The following SFI1 variants were observed in gnomAD, a reference collection of about 807,000 sequenced individuals.
The protein encoded by SFI1 is protein SFI1 homolog.
A neutral mutation model predicts 207.5 loss-of-function variants in SFI1; 195 were observed. The ratio of observed to expected loss-of-function variants is 0.94; its 90% CI spans 0.84 to 1.06. SFI1 has a LOEUF of 1.06. Among genes scored for constraint, SFI1 ranks in the 50% least tolerant of loss-of-function variants. The probability of loss-of-function intolerance (pLI) is 0.00; values close to 1 mark genes in which losing one functional copy is unlikely to be tolerated. For synonymous variants in SFI1, 630 were observed against 598.9 expected, an observed-to-expected ratio of 1.05 and a Z score of -0.76; for missense variants, 1,634 against 1,588.0, an observed-to-expected ratio of 1.03 and a Z score of -0.49.
intron 2 of SFI1, among the ~76,000 whole-genome samples, chr22:31,512,071 G>T (rs1047019494): frequency 5.3e-5 from 8 of 152,194 alleles, no homozygotes; most frequent in African/African-American, 1.9e-4. Context: ...GGCCGGCGCA[G>T]TGGCTCACGC....
rs1331560236 is a variant in SFI1 at position 31,496,653 on chromosome 22, C to CT, written c.-31+17dup. On this transcript the variant is annotated intron_variant, in intron 1 of 32. Coordinates refer to ENST00000400288, the MANE Select transcript of SFI1 (RefSeq NM_001007467.3). ...GCTTCCCCAGGTACGAGGCCCGGCC[C>CT]TAACGTCCCCACCCTCTTCTGGGCT... The CT allele has an allele frequency of 6.6e-6, 1 of 152,310 alleles. No homozygotes were observed. The highest frequency in any genetic ancestry group is 1.5e-5 in the Non-Finnish European group (1 of 68,104). 9.4% of individuals were successfully genotyped at this position (152,310 alleles called of 1,614,324 possible).
rs527386733 is a variant in SFI1, at chr22:31,562,457, A to T, written c.765+1065A>T. Among the ~76,000 whole-genome samples, 23 of 149,430 alleles carry T rather than the reference A, an allele frequency of 1.5e-4. No individual in the cohort carries two copies. The East Asian group carries it at 4.6e-3, about 30-fold the overall frequency. On this transcript the variant is annotated intron_variant, in intron 8 of 32. Transcript: ENST00000400288. Reference sequence around the variant, plus strand: ...TGTCTCAAAAAAAAAAAAAAAAAAGAAGTAGATTTTATTGTGGTCTTACTT... The same window carrying T: ...TGTCTCAAAAAAAAAAAAAAAAAAGTAGTAGATTTTATTGTGGTCTTACTT...
chr22:31,545,752 T>A (rs2060022352), intron 4 of SFI1, among the ~76,000 whole-genome samples: 1 of 151,254 alleles, frequency 6.6e-6, no homozygotes, highest in Non-Finnish European at 1.5e-5. Context: ...GGCTAATTTT[T>A]GTATTTTTAG....
intron 22 of SFI1, among the ~76,000 whole-genome samples, chr22:31,609,537 T>C (rs1603346729): frequency 6.6e-6 from 1 of 152,178 alleles, no homozygotes; most frequent in African/African-American, 2.4e-5. Flanking sequence ...CATAGAGAAA[T>C]TGACCAAGTG....
At position 31,514,415 on chromosome 22, in the gene SFI1, G is replaced by C. The variant is rs536132239; in HGVS notation, c.92+6039G>C. Among the ~76,000 whole-genome samples the C allele has an allele frequency of 2.7e-5, 4 of 148,848 alleles. No homozygotes were observed. In the East Asian group the frequency reaches 8.5e-4, roughly 32 times the overall value. On this transcript the variant is annotated intron_variant, in intron 2 of 32. Coordinates refer to ENST00000400288, the MANE Select transcript of SFI1 (RefSeq NM_001007467.3). ...CCCAGCTACTTGGGAGGCTGAGGCA[G>C]GAGAATGGCGTGGACCTAGGAGGTG...
At chr22:31,545,584 A>C (rs9609319) in intron 4 of SFI1, among the ~76,000 whole-genome samples, 1 of 144,884 alleles carries the variant, frequency 6.9e-6, no homozygotes, top group Non-Finnish European at 1.5e-5. Context: ...AATTTAATTT[A>C]ATTTTATTTT....
upstream of SFI1, chr22:31,496,334 A>G (rs943483523): frequency 6.6e-6 from 1 of 152,238 alleles, no homozygotes; most frequent in Non-Finnish European, 1.5e-5. Context: ...CTCGGTGGGG[A>G]TGCCCAGAGG....
At chr22:31,592,746 T>C (rs1193767407) in intron 15 of SFI1, among the ~76,000 whole-genome samples, 7 of 90,370 alleles carry the variant, frequency 7.7e-5, no homozygotes, top group Non-Finnish European at 1.3e-4. Flanking sequence ...CACTTCCCAG[T>C]AGGGGCGGCC....
chr22:31,594,239 G>A (rs2066698885), intron 15 of SFI1, among the ~76,000 whole-genome samples: 1 of 152,084 alleles, frequency 6.6e-6, no homozygotes, highest in African/African-American at 2.4e-5. Flanking sequence ...GTCTTGAAAT[G>A]ATAGTCATCA....
chr22:31,604,589 G>A (rs1409291128), intron 19 of SFI1, 185 bp downstream of exon 19: 1 of 600,252 alleles, frequency 1.7e-6, no homozygotes, highest in Non-Finnish European at 2.9e-6. Flanking sequence ...GCTTGGCCAA[G>A]TGGAAACAAG....
chr22:31,538,270 T>TG (rs2059178508), intron 4 of SFI1: 1 of 120,460 alleles, frequency 8.3e-6, no homozygotes, highest in African/African-American at 2.9e-5. Flanking sequence ...GCCTTAACCT[T>TG]TTTTTTTTTT....
In SFI1 at chr22:31,546,953, G is replaced by A. The variant is rs371433549; in HGVS notation, c.431G>A (p.Arg144Gln). ...VFQHEWKLCV[R>Q]ADCHYRYYLY... Reference sequence around the variant, plus strand: ...CAGCACGAGTGGAAACTCTGTGTTCGAGCTGACTGTCACTACAGGTCAGGT... The same window carrying A: ...CAGCACGAGTGGAAACTCTGTGTTCAAGCTGACTGTCACTACAGGTCAGGT... The change falls in exon 5 of 33, where the codon CGA becomes CAA. Residue 144 changes from arginine to glutamine, a missense_variant. Physicochemically the swap from Arg to Gln is conservative, Grantham distance 43. Transcript: ENST00000400288. 4.2e-5 allele frequency: 67 copies of A among 1,610,018 alleles called. No homozygotes were observed. The highest frequency in any genetic ancestry group is 8.9e-5 in the East Asian group (4 of 44,770).
chr22:31,600,609 C>A (rs1465625367), intron 15 of SFI1, among the ~76,000 whole-genome samples: 1 of 152,194 alleles, frequency 6.6e-6, no homozygotes, highest in Admixed American at 6.5e-5. Flanking sequence ...AGTACCCTGA[C>A]CCCAAATTCC....
chr22:31,568,194 T>TGTTGTG (rs749787029), intron 8 of SFI1, among the ~76,000 whole-genome samples: 36 of 92,544 alleles, frequency 3.9e-4, no homozygotes, highest in Non-Finnish European at 6.3e-4. Flanking sequence ...TGTGTGTGTG[T>TGTTGTG]TGTGTGTGTG....
chr22:31,593,284 C>A (rs1233769560), intron 15 of SFI1, among the ~76,000 whole-genome samples: 1 of 139,506 alleles, frequency 7.2e-6, no homozygotes, highest in African/African-American at 2.7e-5. Flanking sequence ...TCAGACGGGG[C>A]GGCCGGGCAG....
At chr22:31,515,669 G>A (rs911844695) in intron 2 of SFI1, among the ~76,000 whole-genome samples, 3 of 151,320 alleles carry the variant, frequency 2.0e-5, no homozygotes, top group African/African-American at 7.3e-5. Flanking sequence ...ATAGGCATGA[G>A]CCATGTGCCA....
At chr22:31,499,030 G>T (rs1454866857) in intron 1 of SFI1, among the ~76,000 whole-genome samples, 1 of 151,504 alleles carries the variant, frequency 6.6e-6, no homozygotes, top group Non-Finnish European at 1.5e-5. Flanking sequence ...TTTGTTTTCA[G>T]ACAGGGTCTT....
At chr22:31,511,467 T>TTTTG (rs1256179433) in intron 2 of SFI1, among the ~76,000 whole-genome samples, 4 of 45,666 alleles carry the variant, frequency 8.8e-5, no homozygotes, top group Non-Finnish European at 1.7e-4. Context: ...AGTTTCTGTT[T>TTTTG]TTTTTTTTTT....
At chr22:31,612,046 C>T in intron 24 of SFI1, 1 of 1,367,850 alleles carries the variant, frequency 7.3e-7, no homozygotes. Context: ...ACAGTTACTT[C>T]AAGGCCAGTT....
Sources: allele counts gnomAD v4.1 joint callset (sites outside exome capture counted in the v4.1 genomes callset), GRCh38; gene constraint gnomAD v4.1.1; transcripts MANE v1.5; gene names NCBI Gene and HGNC (gene_info 2026-07-23, HGNC 2026-07-21).